VPS13A: variants seen among roughly 807,000 people sequenced by gnomAD.
The protein encoded by VPS13A is vacuolar protein sorting 13 homolog A, also known as intermembrane lipid transfer protein VPS13A.
A neutral mutation model predicts 390.9 loss-of-function variants in VPS13A; 264 were observed. That is an observed-to-expected ratio of 0.68 (90% CI 0.61 to 0.75). VPS13A has a LOEUF of 0.75. Among genes scored for constraint, VPS13A ranks in the 30% least tolerant of loss-of-function variants. VPS13A has a pLI of 0.00. For missense variants in VPS13A, 3,409 were observed against 3,733.9 expected (o/e 0.91, Z 2.27); for synonymous variants, 1,231 against 1,227.1 (o/e 1.00, Z -0.07).
At chr9:77,250,771 A>C (rs1825110584) in intron 21 of VPS13A, among the ~76,000 whole-genome samples, 1 of 152,250 alleles carries the variant, frequency 6.6e-6, no homozygotes, top group African/African-American at 2.4e-5. Context: ...GTGGTATACC[A>C]GTCAGGAGTC....
chr9:77,204,676 G>T (rs1310838895), intron 3 of VPS13A, among the ~76,000 whole-genome samples: 2 of 152,122 alleles, frequency 1.3e-5, no homozygotes, highest in South Asian at 2.1e-4. Context: ...ACCCAGGCTG[G>T]AGGGCAGTAG....
At chr9:77,291,784 T>G (rs576481558) in intron 31 of VPS13A, among the ~76,000 whole-genome samples, 1 of 152,270 alleles carries the variant, frequency 6.6e-6, no homozygotes, top group South Asian at 2.1e-4. Flanking sequence ...CTTGTCCATT[T>G]TCACTCCTAG....
chr9:77,374,713 T>C (rs1357131493), intron 67 of VPS13A, among the ~76,000 whole-genome samples: 1 of 152,220 alleles, frequency 6.6e-6, no homozygotes, highest in Non-Finnish European at 1.5e-5. Context: ...TTAATACACA[T>C]TGTTTTTTAC....
At chr9:77,405,831 A>C in intron 69 of VPS13A, 33 bp from the exon 70 acceptor site, 2 of 1,610,670 alleles carry the variant, frequency 1.2e-6, no homozygotes, top group Non-Finnish European at 1.7e-6. Flanking sequence ...CTCAATTTTA[A>C]AGCGAATTCT....
chr9:77,392,484 G>T (rs534779525), intron 68 of VPS13A, among the ~76,000 whole-genome samples: 30 of 152,174 alleles, frequency 2.0e-4, no homozygotes, highest in African/African-American at 7.2e-4. Flanking sequence ...TTTCCAGGTT[G>T]TAAAAGAGAG....
intron 54 of VPS13A, among the ~76,000 whole-genome samples, chr9:77,354,004 C>T (rs999384573): frequency 1.3e-5 from 2 of 152,072 alleles, no homozygotes; most frequent in Admixed American, 1.3e-4. Context: ...TTAACATAGA[C>T]AATCACTTTC....
intron 19 of VPS13A, among the ~76,000 whole-genome samples, chr9:77,241,813 A>G (rs1824516649): frequency 6.6e-6 from 1 of 152,112 alleles, no homozygotes; most frequent in Admixed American, 6.6e-5. Flanking sequence ...TACCTCCTTG[A>G]GGAATATATC....
At chr9:77,230,576 C>T (rs1823773056) in intron 17 of VPS13A, among the ~76,000 whole-genome samples, 1 of 152,032 alleles carries the variant, frequency 6.6e-6, no homozygotes, top group Non-Finnish European at 1.5e-5. Context: ...ATTCTAATCC[C>T]ATTGTTCTAT....
At chr9:77,367,413 T>A (rs1832493620) in intron 61 of VPS13A, among the ~76,000 whole-genome samples, 1 of 152,192 alleles carries the variant, frequency 6.6e-6, no homozygotes, top group Non-Finnish European at 1.5e-5. Context: ...GCATCTAGAA[T>A]TGATTATTAA....
intron 6 of VPS13A, among the ~76,000 whole-genome samples, chr9:77,210,191 T>C (rs866012745): frequency 2.0e-4 from 25 of 125,738 alleles, no homozygotes; most frequent in African/African-American, 6.9e-4. Context: ...CTCTTTCTCT[T>C]TCTCTCTTTC....
At position 77,317,588 on chromosome 9, in the gene VPS13A, T is replaced by C. The variant is rs1257775706; in HGVS notation, c.4864-18T>C. 1.9e-6 allele frequency: 3 copies of C among 1,568,254 alleles called. No homozygotes were observed. The highest frequency in any genetic ancestry group is 2.7e-5 in the African/African-American group (2 of 73,942). On this transcript the variant is annotated intron_variant, in intron 39 of 71. Transcript: ENST00000360280. ...ATATTTAAACATTAATTTAGTGGTA[T>C]TGATTTTTCTCTCATAGGTTTTGCA...
At chr9:77,235,505 A>G (rs1048415191) in intron 17 of VPS13A, among the ~76,000 whole-genome samples, 1 of 152,078 alleles carries the variant, frequency 6.6e-6, no homozygotes, top group African/African-American at 2.4e-5. Context: ...TTGGATTATA[A>G]TATGTTGCTG....
At chr9:77,274,586 T>A (rs990177946) in intron 24 of VPS13A, among the ~76,000 whole-genome samples, 3 of 152,162 alleles carry the variant, frequency 2.0e-5, no homozygotes, top group South Asian at 2.1e-4. Context: ...AAAACATTTT[T>A]AAAAATATAA....
chr9:77,343,501 A>G (rs564976487), intron 50 of VPS13A, among the ~76,000 whole-genome samples: 2 of 152,280 alleles, frequency 1.3e-5, no homozygotes, highest in Admixed American at 6.5e-5. Context: ...CTTACAGACA[A>G]GGCTGGTTCT....
At chr9:77,239,843 A>G (rs1824365478) in intron 19 of VPS13A, among the ~76,000 whole-genome samples, 1 of 151,918 alleles carries the variant, frequency 6.6e-6, no homozygotes, top group Non-Finnish European at 1.5e-5. Context: ...ACAATCTACT[A>G]TTGGGAAGTT....
chr9:77,278,237 A>ATTTTTTT (rs57545793), intron 26 of VPS13A, among the ~76,000 whole-genome samples: 6 of 115,362 alleles, frequency 5.2e-5, no homozygotes, highest in South Asian at 3.0e-4. Flanking sequence ...CGCCCAGCTA[A>ATTTTTTT]TTTTTTTTTT....
At chr9:77,360,513 A>C (rs200563188) in intron 58 of VPS13A, 23 bp from the exon 59 acceptor site, 1 of 1,548,080 alleles carries the variant, frequency 6.5e-7, no homozygotes, top group Admixed American at 1.7e-5. Context: ...TTTTTAAAAA[A>C]TGTTTTCTAC....
intron 35 of VPS13A, among the ~76,000 whole-genome samples, chr9:77,312,602 A>G (rs970369623): frequency 4.0e-5 from 6 of 151,726 alleles, no homozygotes; most frequent in South Asian, 2.1e-4. Context: ...AATTTTTTGT[A>G]CTTTTAGTAG....
chr9:77,208,161 T>A (rs987385187), intron 5 of VPS13A, among the ~76,000 whole-genome samples: 1 of 152,150 alleles, frequency 6.6e-6, no homozygotes, highest in Non-Finnish European at 1.5e-5. Flanking sequence ...TATTAGGTAG[T>A]GGTGAGAGTC....
Sources: gnomAD v4.1 joint callset for allele counts (sites outside exome capture counted in the v4.1 genomes callset) on GRCh38, gnomAD v4.1.1 for gene constraint, MANE v1.5 for transcripts, NCBI Gene and HGNC (gene_info 2026-07-23, HGNC 2026-07-21) for gene names.